NUP160: variants seen among roughly 807,000 people sequenced by gnomAD.
The protein encoded by NUP160 is nuclear pore complex protein Nup160.
NUP160 carries 94 observed loss-of-function variants against 196.9 expected under a neutral mutation model. The observed-to-expected ratio is 0.48, with a 90% confidence interval of 0.40 to 0.57. NUP160 has a LOEUF of 0.57. Among genes scored for constraint, NUP160 ranks in the 20% least tolerant of loss-of-function variants. The pLI, the probability that NUP160 is intolerant of heterozygous loss-of-function variation, is 0.00. For missense variants in NUP160, 1,638 were observed against 1,748.3 expected, an observed-to-expected ratio of 0.94 and a Z score of 1.13; for synonymous variants, 605 against 619.7, an observed-to-expected ratio of 0.98 and a Z score of 0.35.
intron 11 of NUP160, 150 bp downstream of exon 11, chr11:47,817,906 T>TA (rs897659057): frequency 1.6e-4 from 90 of 563,894 alleles, no homozygotes; most frequent in Non-Finnish European, 2.6e-4. Context: ...GAAAGAACAT[T>TA]AAAAAAATTA....
chr11:47,796,158 A>AAG, intron 27 of NUP160: 4 of 301,294 alleles, frequency 1.3e-5, no homozygotes, highest in Non-Finnish European at 1.2e-5. Flanking sequence ...CATCTAAAAA[A>AAG]AAAAAAAAAA....
chr11:47,848,111 G>A lies in NUP160; in HGVS notation c.202+108C>T, dbSNP rs1565213817. On this transcript the variant is annotated intron_variant, in intron 1 of 35. Transcript: ENST00000378460. ...CAAGGAATCTCTGATCCCGGGGCTA[G>A]AGGCATGTGGACTCAGGAGGATGAA... 7 of 1,362,456 alleles carry A rather than the reference G, an allele frequency of 5.1e-6. No individual in the cohort carries two copies. The South Asian group carries it at 5.8e-5, about 11-fold the overall frequency. The allele number at this position is 1,362,456 out of a possible 1,614,324, so 84.4% of individuals were successfully genotyped here. A position where few individuals can be genotyped will look rare whatever the true frequency, so the allele number is the denominator to read the frequency against.
chr11:47,817,521 A>G (rs776088551), intron 11 of NUP160, among the ~76,000 whole-genome samples: 11 of 145,664 alleles, frequency 7.6e-5, no homozygotes, highest in Non-Finnish European at 1.4e-4. Context: ...TAATTTTTGT[A>G]TTTTTAGTAG....
At chr11:47,802,882 G>A (rs1217474510) in intron 22 of NUP160, among the ~76,000 whole-genome samples, 9 of 152,214 alleles carry the variant, frequency 5.9e-5, no homozygotes, top group Admixed American at 4.6e-4. Flanking sequence ...CTACTTGAGA[G>A]GCTGAGGTAG....
At chr11:47,809,973 A>G (rs1315182583) in intron 17 of NUP160, among the ~76,000 whole-genome samples, 1 of 152,050 alleles carries the variant, frequency 6.6e-6, no homozygotes. Context: ...AAATTTTTTA[A>G]ATTTTTGCTT....
chr11:47,834,828 CACGA>C (rs1405465627), intron 7 of NUP160, among the ~76,000 whole-genome samples: 4 of 152,066 alleles, frequency 2.6e-5, no homozygotes, highest in Admixed American at 6.6e-5. Context: ...GGGGGAGGAG[CACGA>C]ACAGTTTGAG....
chr11:47,807,469 C>T (rs993478157), intron 18 of NUP160, among the ~76,000 whole-genome samples: 2 of 151,992 alleles, frequency 1.3e-5, no homozygotes, highest in African/African-American at 4.8e-5. Context: ...AGTTCAAGAC[C>T]AGCCTGGCCA....
At chr11:47,837,504 A>C in intron 5 of NUP160, 41 bp downstream of exon 5, 1 of 1,467,500 alleles carries the variant, frequency 6.8e-7, no homozygotes, top group Non-Finnish European at 9.5e-7. Context: ...AAAAAGATTA[A>C]ATTCTTGGGC....
chr11:47,779,010 G>A, exon 36 of NUP160: 1 of 823,354 alleles, frequency 1.2e-6, no homozygotes, highest in South Asian at 1.4e-5. Context: ...ATCATTTACA[G>A]TTACAAAAAT....
At chr11:47,825,804 G>A (rs1183560052) in intron 7 of NUP160, among the ~76,000 whole-genome samples, 5 of 151,744 alleles carry the variant, frequency 3.3e-5, no homozygotes, top group African/African-American at 9.7e-5. Context: ...GGCTGGTCTC[G>A]AACTCCTGAC....
intron 2 of NUP160, among the ~76,000 whole-genome samples, chr11:47,842,630 A>G (rs1049991462): frequency 2.0e-5 from 3 of 152,104 alleles, no homozygotes; most frequent in Non-Finnish European, 4.4e-5. Context: ...TGCTCACTGC[A>G]GTTGATTTTA....
intron 29 of NUP160, among the ~76,000 whole-genome samples, chr11:47,790,433 G>GC (rs2097667256): frequency 6.6e-6 from 1 of 151,658 alleles, no homozygotes; most frequent in Non-Finnish European, 1.5e-5. Context: ...CTGATTTTTT[G>GC]TAGTTTTACT....
At chr11:47,780,476 G>T in intron 34 of NUP160, 29 bp from the exon 35 acceptor site, 1 of 1,423,954 alleles carries the variant, frequency 7.0e-7, no homozygotes. Context: ...TTTGAAAACA[G>T]TCTGCAAAGT....
chr11:47,785,132 A>C, intron 32 of NUP160, 69 bp from the exon 33 acceptor site: 1 of 616,618 alleles, frequency 1.6e-6, no homozygotes, highest in Non-Finnish European at 2.4e-6. Flanking sequence ...CATTCAAAGC[A>C]TGTATTTACA....
intron 22 of NUP160, 82 bp downstream of exon 22, chr11:47,803,356 C>G: frequency 1.2e-6 from 1 of 843,910 alleles, no homozygotes; most frequent in South Asian, 1.4e-5. Flanking sequence ...CTCCCATCCC[C>G]TAAAACCTAG....
At chr11:47,797,671 A>G (rs2097671619) in intron 27 of NUP160, 108 bp downstream of exon 27, 14 of 737,546 alleles carry the variant, frequency 1.9e-5, no homozygotes, top group Non-Finnish European at 3.3e-5. Context: ...CTAATCTTGT[A>G]CTTAAACACA....
At chr11:47,788,268 A>C in exon 31 of NUP160, 1 of 1,614,156 alleles carries the variant, frequency 6.2e-7, no homozygotes. Flanking sequence ...GGCCCGCCTG[A>C]ACCAAGAGAG....
At chr11:47,793,021 C>G (rs2097668793) in intron 27 of NUP160, 75 bp from the exon 28 acceptor site, 1 of 1,356,028 alleles carries the variant, frequency 7.4e-7, no homozygotes, top group Non-Finnish European at 1.0e-6. Flanking sequence ...GAGTCTTGCT[C>G]TGTCGCCCAG....
At chr11:47,841,393 C>T (rs1852294507) in intron 2 of NUP160, 1 of 462,524 alleles carries the variant, frequency 2.2e-6, no homozygotes, top group Admixed American at 2.8e-5. Context: ...TGATACAATC[C>T]TGACCAACCG....
Sources: allele counts gnomAD v4.1 joint callset (sites outside exome capture counted in the v4.1 genomes callset), GRCh38; gene constraint gnomAD v4.1.1; transcripts MANE v1.5; gene names NCBI Gene and HGNC (gene_info 2026-07-23, HGNC 2026-07-21).